The following ATG13 variants were observed in gnomAD, a reference collection of about 807,000 sequenced individuals.
The protein encoded by ATG13 is autophagy related 13.
In ATG13, 23 loss-of-function variants were observed where a neutral mutation model predicts 65.5. That is an observed-to-expected ratio of 0.35 (90% CI 0.25 to 0.50). The LOEUF (loss-of-function observed/expected upper bound fraction) is 0.50. Among genes scored for constraint, ATG13 ranks in the 20% least tolerant of loss-of-function variants. The pLI, the probability that ATG13 is intolerant of heterozygous loss-of-function variation, is 0.98. For missense variants in ATG13, 566 were observed against 677.0 expected, an observed-to-expected ratio of 0.84 and a Z score of 1.82; for synonymous variants, 252 against 245.2, an observed-to-expected ratio of 1.03 and a Z score of -0.26.
At chr11:46,618,414 C>A (rs1376543443) in intron 1 of ATG13, 2 of 152,330 alleles carry the variant, frequency 1.3e-5, no homozygotes, top group African/African-American at 4.8e-5. Flanking sequence ...ATCACTAATT[C>A]TTCCCAGTTT....
intron 11 of ATG13, among the ~76,000 whole-genome samples, chr11:46,662,020 C>T (rs2061325048): frequency 6.6e-6 from 1 of 151,932 alleles, no homozygotes; most frequent in African/African-American, 2.4e-5. Flanking sequence ...TTGTCATTCC[C>T]CTGCTCTCAT....
intron 14 of ATG13, among the ~76,000 whole-genome samples, chr11:46,666,418 T>C (rs2062371109): frequency 6.6e-6 from 1 of 152,224 alleles, no homozygotes; most frequent in Non-Finnish European, 1.5e-5. Context: ...ATCTCCTTTT[T>C]CTGCTGTGTC....
intron 11 of ATG13, among the ~76,000 whole-genome samples, chr11:46,663,202 A>G (rs994344557): frequency 1.5e-5 from 2 of 130,216 alleles, no homozygotes; most frequent in Admixed American, 9.9e-5. Flanking sequence ...GGAGGTGGAC[A>G]TTGCAGTGAG....
chr11:46,643,624 T>TC (rs1355399156), intron 2 of ATG13, among the ~76,000 whole-genome samples: 2 of 151,830 alleles, frequency 1.3e-5, no homozygotes, highest in East Asian at 3.9e-4. Context: ...TTTTTTTTTT[T>TC]TTTTTTAAAT....
intron 2 of ATG13, among the ~76,000 whole-genome samples, chr11:46,642,883 G>A (rs1341108619): frequency 2.0e-5 from 3 of 152,172 alleles, no homozygotes; most frequent in East Asian, 1.9e-4. Context: ...TATTCAAGAT[G>A]CTCATGGTCT....
At chr11:46,651,189 T>A (rs564633699) in intron 7 of ATG13, among the ~76,000 whole-genome samples, 53 of 152,278 alleles carry the variant, frequency 3.5e-4, no homozygotes, top group African/African-American at 1.3e-3. Context: ...GAAAACAATT[T>A]GATACATGTA....
intron 1 of ATG13, among the ~76,000 whole-genome samples, chr11:46,621,706 A>G (rs1302257050): frequency 6.6e-6 from 1 of 152,096 alleles, no homozygotes; most frequent in Non-Finnish European, 1.5e-5. Context: ...TTCTTTGAGC[A>G]TCTGTGATCA....
chr11:46,631,869 G>A (rs1274492634), intron 2 of ATG13, among the ~76,000 whole-genome samples: 1 of 152,140 alleles, frequency 6.6e-6, no homozygotes, highest in Non-Finnish European at 1.5e-5. Context: ...GACAGAACAA[G>A]ACCTTGTCTC....
intron 5 of ATG13, among the ~76,000 whole-genome samples, chr11:46,647,508 C>T (rs992170135): frequency 6.6e-6 from 1 of 151,936 alleles, no homozygotes; most frequent in Non-Finnish European, 1.5e-5. Context: ...GAACTCCTGA[C>T]TTCAGGTGAT....
intron 1 of ATG13, among the ~76,000 whole-genome samples, chr11:46,623,145 T>C (rs993461550): frequency 1.3e-5 from 2 of 150,690 alleles, no homozygotes; most frequent in African/African-American, 4.9e-5. Context: ...AAAAAAAAAA[T>C]TAGCCGTGTG....
In ATG13 at chr11:46,665,510, C is replaced by T. The variant is rs764975495; in HGVS notation, c.1127C>T (p.Pro376Leu). The T allele has an allele frequency of 3.8e-5, 61 of 1,614,052 alleles. No individual in the cohort carries two copies. Among genetic ancestry groups the T allele is most frequent in the Non-Finnish European group, 5.0e-5 (59 of 1,179,988 alleles). Residue 376 changes from proline to leucine, a missense_variant, in exon 14 of 19, where the codon CCC becomes CTC. Coordinates refer to ENST00000683050, the MANE Select transcript of ATG13 (RefSeq NM_001346311.2). ...GACAGAACCCACTGTGCTGCCACACCCTCCAGTAGGTGAGTTCACATTTTG... is the reference window on the plus strand; with the variant it reads ...GACAGAACCCACTGTGCTGCCACACTCTCCAGTAGGTGAGTTCACATTTTG... ...PSDRTHCAAT[P>L]SSSEDTETVS... is the part of the protein sequence containing the mutation.
chr11:46,621,859 G>A (rs892834715), intron 1 of ATG13, among the ~76,000 whole-genome samples: 2 of 151,546 alleles, frequency 1.3e-5, no homozygotes, highest in Non-Finnish European at 2.9e-5. Flanking sequence ...CACAGGCCTC[G>A]GTTCCCTGGC....
rs201643926 is a variant in ATG13, at chr11:46,667,788, C to T, written c.1152C>T (p.Thr384=). Reference sequence around the variant, plus strand: ...TCTCCTCCAGTGAGGATACTGAAACCGTATCAAACAGCAGTGAGGGACGGG... The same window carrying T: ...TCTCCTCCAGTGAGGATACTGAAACTGTATCAAACAGCAGTGAGGGACGGG... ...ATPSSSEDTE[T]VSNSSEGRAS... is the part of the protein sequence containing the mutation. Residue 384 remains threonine, a synonymous_variant, in exon 15 of 19, where the codon ACC becomes ACT. Coordinates refer to ENST00000683050, the MANE Select transcript of ATG13 (RefSeq NM_001346311.2). 105 of 1,605,502 alleles carry T rather than the reference C, an allele frequency of 6.5e-5. 1 individual carries two copies. Among genetic ancestry groups the T allele is most frequent in the East Asian group, 5.8e-4 (26 of 44,566 alleles).
At chr11:46,652,112 G>T (rs959967039) in intron 7 of ATG13, among the ~76,000 whole-genome samples, 2 of 152,066 alleles carry the variant, frequency 1.3e-5, no homozygotes, top group Non-Finnish European at 2.9e-5. Flanking sequence ...GCTGGGCAGG[G>T]TGGCACGCTC....
intron 7 of ATG13, among the ~76,000 whole-genome samples, chr11:46,652,513 G>A (rs1416938597): frequency 3.9e-5 from 6 of 152,048 alleles, no homozygotes; most frequent in African/African-American, 7.2e-5. Flanking sequence ...TCAGGAGTTC[G>A]AGACCAGCCT....
intron 2 of ATG13, among the ~76,000 whole-genome samples, chr11:46,644,059 T>A (rs2056890253): frequency 6.6e-6 from 1 of 152,186 alleles, no homozygotes; most frequent in Non-Finnish European, 1.5e-5. Flanking sequence ...TCTCATTCAT[T>A]TTTTAGGTTC....
intron 12 of ATG13, 135 bp downstream of exon 12, chr11:46,664,230 T>A: frequency 2.8e-6 from 2 of 712,556 alleles, no homozygotes; most frequent in Non-Finnish European, 4.4e-6. Flanking sequence ...TGGTAATAGA[T>A]TTTAATAGGA....
chr11:46,624,487 G>GA (rs2048795966), intron 1 of ATG13, among the ~76,000 whole-genome samples: 1 of 149,948 alleles, frequency 6.7e-6, no homozygotes, highest in South Asian at 2.1e-4. Context: ...TGGATCTTCA[G>GA]ATTTTTTTTT....
rs755647056 is a variant in ATG13 at position 46,644,315 on chromosome 11, G to A, written c.24G>A (p.Gln8=). ...CAATGGAAACTGATCTCAATTCCCA[G>A]GACAGAAAGGACCTGGACAAGTTTA... METDLNS[Q]DRKDLDKFIK... is the part of the protein sequence containing the mutation. Residue 8 remains glutamine, a synonymous_variant, in exon 3 of 19, where the codon CAG becomes CAA. Transcript: ENST00000683050. 5 of 1,609,720 alleles carry A rather than the reference G, an allele frequency of 3.1e-6. No individual in the cohort carries two copies. Among genetic ancestry groups the A allele is most frequent in the Non-Finnish European group, 3.4e-6 (4 of 1,178,832 alleles).
Sources: gnomAD v4.1 joint callset for allele counts (sites outside exome capture counted in the v4.1 genomes callset) on GRCh38, gnomAD v4.1.1 for gene constraint, MANE v1.5 for transcripts, NCBI Gene and HGNC (gene_info 2026-07-23, HGNC 2026-07-21) for gene names.